ASAP1: variants seen among roughly 807,000 people sequenced by gnomAD.
ASAP1 encodes the protein ArfGAP with SH3 domain, ankyrin repeat and PH domain 1, also known as arf-GAP with SH3 domain, ANK repeat and PH domain-containing protein 1.
Under a neutral mutation model 145.2 loss-of-function variants are expected in ASAP1, and 43 were observed. The observed-to-expected ratio is 0.30, with a 90% CI of 0.23 to 0.38. The LOEUF (loss-of-function observed/expected upper bound fraction) is 0.38. Among genes scored for constraint, ASAP1 ranks in the 10% least tolerant of loss-of-function variants. The pLI is 1.00. For synonymous variants in ASAP1, 546 were observed against 515.5 expected (o/e 1.06, Z -0.80); for missense variants, 1,018 against 1,355.3 (o/e 0.75, Z 3.91).
At chr8:130,401,418 G>A (rs558278905) in intron 2 of ASAP1, among the ~76,000 whole-genome samples, 39 of 151,918 alleles carry the variant, frequency 2.6e-4, no homozygotes, top group African/African-American at 8.9e-4. Flanking sequence ...GCTAATTTTT[G>A]TATTTTAGTA....
chr8:130,333,600 G>A (rs937977710), intron 3 of ASAP1, among the ~76,000 whole-genome samples: 13 of 152,082 alleles, frequency 8.5e-5, no homozygotes, highest in South Asian at 2.1e-4. Context: ...GTGAAACTCC[G>A]TCTCAAAAAC....
At chr8:130,297,359 C>T (rs956859214) in intron 3 of ASAP1, among the ~76,000 whole-genome samples, 2 of 152,206 alleles carry the variant, frequency 1.3e-5, no homozygotes, top group Non-Finnish European at 2.9e-5. Context: ...CCTGCAAATA[C>T]TGCATTTTCA....
intron 23 of ASAP1, among the ~76,000 whole-genome samples, chr8:130,114,098 G>A (rs908720301): frequency 1.8e-4 from 27 of 152,154 alleles, no homozygotes; most frequent in African/African-American, 6.3e-4. Flanking sequence ...TTTCAATAAA[G>A]ATGATCTGAG....
chr8:130,182,885 A>G (rs2136188371), intron 7 of ASAP1, among the ~76,000 whole-genome samples: 1 of 151,528 alleles, frequency 6.6e-6, no homozygotes, highest in South Asian at 2.1e-4. Context: ...GAAATTTAAA[A>G]TGACAGCCAA....
intron 3 of ASAP1, among the ~76,000 whole-genome samples, chr8:130,261,746 T>C (rs1819911685): frequency 6.6e-6 from 1 of 152,060 alleles, no homozygotes; most frequent in Non-Finnish European, 1.5e-5. Flanking sequence ...TGTGAGTGCC[T>C]ACATGGAAGC....
intron 13 of ASAP1, among the ~76,000 whole-genome samples, chr8:130,141,886 T>C (rs1280164422): frequency 6.6e-6 from 1 of 151,868 alleles, no homozygotes; most frequent in African/African-American, 2.4e-5. Flanking sequence ...CTTGACTAAT[T>C]TTTTAAATTT....
At chr8:130,325,525 T>C (rs530748855) in intron 3 of ASAP1, among the ~76,000 whole-genome samples, 1 of 152,348 alleles carries the variant, frequency 6.6e-6, no homozygotes, top group Non-Finnish European at 1.5e-5. Flanking sequence ...ATCTAAAAGT[T>C]CAAACACACC....
chr8:130,394,762 G>A (rs779484674), intron 2 of ASAP1, among the ~76,000 whole-genome samples: 8 of 152,018 alleles, frequency 5.3e-5, no homozygotes, highest in East Asian at 3.9e-4. Flanking sequence ...CCCGGCCAAC[G>A]CTTAGGGAAA....
chr8:130,110,513 C>T (rs558352977), intron 24 of ASAP1, among the ~76,000 whole-genome samples: 1 of 152,236 alleles, frequency 6.6e-6, no homozygotes, highest in African/African-American at 2.4e-5. Flanking sequence ...AGCAGCAACA[C>T]AGCATTCTTA....
chr8:130,393,757 C>T (rs997704239), intron 2 of ASAP1, among the ~76,000 whole-genome samples: 12 of 152,056 alleles, frequency 7.9e-5, no homozygotes, highest in African/African-American at 1.2e-4. Flanking sequence ...CTCTGTGTTG[C>T]GGGAAGTCAG....
chr8:130,094,176 T>C (rs534586509), intron 24 of ASAP1, among the ~76,000 whole-genome samples: 4 of 152,330 alleles, frequency 2.6e-5, no homozygotes, highest in Admixed American at 1.3e-4. Context: ...TGTGTTTATA[T>C]ATGCTATTCC....
At chr8:130,107,516 ATGTATGTATGTATGTATGTATGTATGT>A (rs1564966036) in intron 24 of ASAP1, among the ~76,000 whole-genome samples, 10 of 81,874 alleles carry the variant, frequency 1.2e-4, no homozygotes, top group Non-Finnish European at 1.9e-4. Flanking sequence ...TTTTTAAAAA[ATGTATGTATGTATGTATGTATGTATGT>A]ATGTATGTAT....
intron 1 of ASAP1, among the ~76,000 whole-genome samples, chr8:130,407,588 A>T (rs2138617936): frequency 6.6e-6 from 1 of 152,312 alleles, no homozygotes; most frequent in Middle Eastern, 3.4e-3. Context: ...CGACAGAAAG[A>T]TTTAAAGCAC....
chr8:130,135,919 G>A (rs1225254495), intron 14 of ASAP1, among the ~76,000 whole-genome samples: 3 of 152,138 alleles, frequency 2.0e-5, no homozygotes, highest in Non-Finnish European at 4.4e-5. Flanking sequence ...TACCCCTAAA[G>A]AGCCTCATGA....
At chr8:130,321,465 G>A (rs1441987452) in intron 3 of ASAP1, among the ~76,000 whole-genome samples, 2 of 151,992 alleles carry the variant, frequency 1.3e-5, no homozygotes, top group Admixed American at 6.6e-5. Context: ...GTGAACTCTG[G>A]GACCTCAATT....
At chr8:130,300,899 T>A (rs1042876875) in intron 3 of ASAP1, among the ~76,000 whole-genome samples, 7 of 152,100 alleles carry the variant, frequency 4.6e-5, no homozygotes, top group Admixed American at 1.3e-4. Flanking sequence ...ATGATTAATC[T>A]CTAAGAAGGG....
intron 1 of ASAP1, among the ~76,000 whole-genome samples, chr8:130,403,147 T>C (rs1828871891): frequency 6.6e-6 from 1 of 152,144 alleles, no homozygotes; most frequent in South Asian, 2.1e-4. Flanking sequence ...ATTTCTAAGA[T>C]AAGGTCTTTG....
At chr8:130,139,288 T>C (rs1424354466) in intron 13 of ASAP1, among the ~76,000 whole-genome samples, 1 of 152,202 alleles carries the variant, frequency 6.6e-6, no homozygotes, top group African/African-American at 2.4e-5. Context: ...TGTTTTCCAT[T>C]AGCTCAGATG....
At chr8:130,298,909 G>T (rs542779965) in intron 3 of ASAP1, among the ~76,000 whole-genome samples, 1 of 152,306 alleles carries the variant, frequency 6.6e-6, no homozygotes, top group South Asian at 2.1e-4. Context: ...CAGATTACAG[G>T]TATTAGGGCG....
Sources: gnomAD v4.1 joint callset for allele counts (sites outside exome capture counted in the v4.1 genomes callset) on GRCh38, gnomAD v4.1.1 for gene constraint, MANE v1.5 for transcripts, NCBI Gene and HGNC (gene_info 2026-07-23, HGNC 2026-07-21) for gene names.